The following CYP2F1 variants were observed in gnomAD, a reference collection of about 807,000 sequenced individuals.
The protein encoded by CYP2F1 is cytochrome P450 2F1.
CYP2F1 carries 33 observed loss-of-function variants against 40.4 expected under a neutral mutation model. The observed-to-expected ratio is 0.82, with a 90% CI of 0.62 to 1.09. CYP2F1 has a LOEUF of 1.09. Ranked by LOEUF, CYP2F1 falls within the 50% of genes least tolerant of loss-of-function variation. The pLI is 0.00. For missense variants in CYP2F1, 566 were observed against 655.7 expected, an observed-to-expected ratio of 0.86 and a Z score of 1.49; for synonymous variants, 235 against 277.2, an observed-to-expected ratio of 0.85 and a Z score of 1.51.
At chr19:41,114,588 G>A (rs1212715359) in intron 1 of CYP2F1, 96 bp downstream of exon 1, 1 of 152,132 alleles carries the variant, frequency 6.6e-6, no homozygotes, top group East Asian at 1.9e-4. Flanking sequence ...GACTGGCTAG[G>A]AATCTTTTTT....
At chr19:41,120,203 G>A in intron 3 of CYP2F1, 144 bp from the exon 4 acceptor site, 1 of 682,492 alleles carries the variant, frequency 1.5e-6, no homozygotes, top group Non-Finnish European at 2.4e-6. Context: ...CCCTAAGCTG[G>A]AGGGTCCAGA....
intron 7 of CYP2F1, chr19:41,123,300 C>G (rs1359497345): frequency 4.8e-6 from 2 of 416,398 alleles, no homozygotes; most frequent in Non-Finnish European, 9.6e-6. Flanking sequence ...CTCCCGAGTT[C>G]AAGGGATTCT....
chr19:41,122,538 A>G (rs967241168), intron 6 of CYP2F1, among the ~76,000 whole-genome samples: 1 of 152,030 alleles, frequency 6.6e-6, no homozygotes, highest in African/African-American at 2.4e-5. Context: ...ACACACATAC[A>G]TACATACATC....
intron 3 of CYP2F1, among the ~76,000 whole-genome samples, chr19:41,119,782 C>CACAT (rs1198505167): frequency 7.9e-6 from 1 of 126,638 alleles, no homozygotes; most frequent in Non-Finnish European, 1.7e-5. Context: ...CACACACACA[C>CACAT]ACATATATAT....
rs73545057 is a variant in CYP2F1 at position 41,121,435 on chromosome 19, T to C, written c.485-23T>C. 3,054 of 1,600,972 alleles carry C rather than the reference T, an allele frequency of 1.9e-3. 376 individuals carry two copies. In the African/African-American group the frequency reaches 0.037, roughly 20 times the overall value. On this transcript the variant is annotated intron_variant, in intron 4 of 9. Transcript: ENST00000331105. ...TGTGCTGCACATCGCGTCTTCCTGA[T>C]CCATTGCACTCCTTACCCTCAGGCG...
intron 9 of CYP2F1, among the ~76,000 whole-genome samples, chr19:41,126,700 G>A (rs1203734132): frequency 2.0e-5 from 3 of 152,042 alleles, no homozygotes; most frequent in East Asian, 3.9e-4. Flanking sequence ...GTTACAGTGA[G>A]TATGATCATG....
rs1329503534 is a variant in CYP2F1, at chr19:41,122,937, C to G, written c.938C>G (p.Ala313Gly). ...ACCACGCTGCACCACGCCTTCCTGG[C>G]ACTCATGAAGTACCCAAAAGTTCAA... ...VSTTLHHAFL[A>G]LMKYPKVQAR... Residue 313 changes from alanine (A) to glycine (G), a missense_variant, in exon 7 of 10, where the codon GCA becomes GGA. This residue lies in a region of CYP2F1 where 128 missense variants were observed against 121.0 expected (regional missense o/e 1.06). Transcript: ENST00000331105. The G allele has an allele frequency of 1.9e-6, 3 of 1,613,290 alleles. No individual in the cohort carries two copies. The African/African-American group carries it at 4.0e-5, about 22-fold the overall frequency.
intron 6 of CYP2F1, 61 bp from the exon 7 acceptor site, chr19:41,122,761 C>T: frequency 6.8e-7 from 1 of 1,461,040 alleles, no homozygotes; most frequent in Non-Finnish European, 9.1e-7. Flanking sequence ...AGCAGTTGTA[C>T]TGGTCTAGAG....
intron 4 of CYP2F1, 69 bp from the exon 5 acceptor site, chr19:41,121,380 AAATTAATGG>A: frequency 7.1e-7 from 1 of 1,413,862 alleles, no homozygotes; most frequent in Admixed American, 1.9e-5. Flanking sequence ...GATGTTGTAC[AAATTAATGG>A]TGTTGCTGCA....
At chr19:41,114,739 G>A (rs994489590) in intron 1 of CYP2F1, among the ~76,000 whole-genome samples, 1 of 150,004 alleles carries the variant, frequency 6.7e-6, no homozygotes, top group Non-Finnish European at 1.5e-5. Flanking sequence ...CACTGTTTCT[G>A]CCTGTGCCCT....
intron 1 of CYP2F1, 63 bp from the exon 2 acceptor site, chr19:41,116,115 A>G (rs544085783): frequency 6.7e-7 from 1 of 1,489,628 alleles, no homozygotes; most frequent in East Asian, 2.3e-5. Context: ...GGTAAGTCCC[A>G]GGGGAGATGG....
At chr19:41,119,987 G>T (rs2032091614) in intron 3 of CYP2F1, among the ~76,000 whole-genome samples, 1 of 151,756 alleles carries the variant, frequency 6.6e-6, no homozygotes, top group Non-Finnish European at 1.5e-5. Flanking sequence ...CACCTCCTGT[G>T]TGACACCCTC....
At chr19:41,117,539 T>C (rs542585461) in intron 3 of CYP2F1, among the ~76,000 whole-genome samples, 3 of 152,180 alleles carry the variant, frequency 2.0e-5, no homozygotes, top group African/African-American at 7.2e-5. Flanking sequence ...TTAAACTCAC[T>C]ACCATCACCA....
Position 41,124,143 on chromosome 19 carries a change from G to A in CYP2F1, c.965-576G>A, listed in dbSNP as rs570430570. ...GGATTCCAGGCCTCCCTGAAGCCCTGCCCACACAACCCAACACTCAGGCCC... is the reference window on the plus strand; with the variant it reads ...GGATTCCAGGCCTCCCTGAAGCCCTACCCACACAACCCAACACTCAGGCCC... On this transcript the variant is annotated intron_variant, in intron 7 of 9. Coordinates refer to ENST00000331105, the MANE Select transcript of CYP2F1 (RefSeq NM_000774.5). Among the ~76,000 whole-genome samples, 85 of 148,176 alleles carry A rather than the reference G, an allele frequency of 5.7e-4. 1 individual carries two copies. In the East Asian group the frequency reaches 0.015, roughly 27 times the overall value.
intron 3 of CYP2F1, among the ~76,000 whole-genome samples, chr19:41,118,748 G>A (rs986483373): frequency 6.6e-6 from 1 of 152,194 alleles, no homozygotes; most frequent in Non-Finnish European, 1.5e-5. Context: ...GTACCCTTGG[G>A]CCAGAGGCCT....
rs1183376057 is a variant in CYP2F1, at chr19:41,116,247, T to C, written c.59T>C (p.Leu20Pro). The change falls in exon 2 of 10, where the codon CTG (leucine) becomes CCG (proline). Residue 20 changes from leucine (L) to proline (P), a missense_variant. Leu to Pro is a moderately conservative substitution (Grantham distance 98). Transcript: ENST00000331105. The part of the protein sequence containing the change: ...LLLLALVCLL[L>P]TLSSRDKGKL... ...CTCCTGGCTCTCGTCTGTCTGCTCCTGACCCTAAGCTCAAGAGATAAGGGA... is the reference window on the plus strand; with the variant it reads ...CTCCTGGCTCTCGTCTGTCTGCTCCCGACCCTAAGCTCAAGAGATAAGGGA... 6.2e-7 allele frequency: 1 copy of C among 1,614,026 alleles called. No homozygotes were observed. Among genetic ancestry groups the C allele is most frequent in the African/African-American group, 1.3e-5 (1 of 74,932 alleles).
chr19:41,123,238 C>T (rs571771642), intron 7 of CYP2F1: 1 of 536,918 alleles, frequency 1.9e-6, no homozygotes, highest in South Asian at 1.5e-5. Context: ...GGCTCTGTCA[C>T]CCAGGCTGGA....
chr19:41,125,241 C>T (rs1449722767), intron 8 of CYP2F1: 1 of 631,322 alleles, frequency 1.6e-6, no homozygotes, highest in Non-Finnish European at 2.7e-6. Context: ...CCCCAGAAAC[C>T]CCACATCTGT....
At position 41,120,487 on chromosome 19, in the gene CYP2F1, A is replaced by G; in HGVS notation, c.475A>G (p.Lys159Glu). 1 of 1,612,856 alleles carries G rather than the reference A, an allele frequency of 6.2e-7. No individual in the cohort carries two copies. The highest frequency in any genetic ancestry group is 1.1e-5 in the South Asian group (1 of 90,970). The change falls in exon 4 of 10, where the codon AAA becomes GAA. Residue 159 changes from lysine (K) to glutamate (E), a missense_variant. Physicochemically the swap from Lys to Glu is moderately conservative, Grantham distance 56 (BLOSUM62 1). Coordinates refer to ENST00000331105, the MANE Select transcript of CYP2F1 (RefSeq NM_000774.5). Reference protein sequence around the residue: ...EGSFLLAELRKTEGEPFDPTF... With the variant: ...EGSFLLAELRETEGEPFDPTF... Reference sequence around the variant, plus strand: ...CAGCTTCCTGCTGGCGGAGCTGCGGAAAACTGAAGGTCAGGAATTTTTTTT... The same window carrying G: ...CAGCTTCCTGCTGGCGGAGCTGCGGGAAACTGAAGGTCAGGAATTTTTTTT...
Sources: gnomAD v4.1 joint callset for allele counts (sites outside exome capture counted in the v4.1 genomes callset) on GRCh38, gnomAD v4.1.1 for gene constraint, gnomAD v4.1.1 regional missense constraint, MANE v1.5 for transcripts, NCBI Gene and HGNC (gene_info 2026-07-23, HGNC 2026-07-21) for gene names.